SLC30A5: variants seen among roughly 807,000 people sequenced by gnomAD.
SLC30A5 encodes proton-coupled zinc antiporter SLC30A5.
A neutral mutation model predicts 79.6 loss-of-function variants in SLC30A5; 33 were observed. The ratio of observed to expected loss-of-function variants is 0.41; its 90% confidence interval spans 0.31 to 0.55. The LOEUF is 0.55. SLC30A5 is among the 20% of genes least tolerant of loss of function. The pLI is 0.20. For synonymous variants in SLC30A5, 299 were observed against 319.7 expected (o/e 0.94, Z 0.69); for missense variants, 788 against 928.1 (o/e 0.85, Z 1.96).
At chr5:69,106,951 A>G (rs1399753522) in intron 4 of SLC30A5, among the ~76,000 whole-genome samples, 1 of 151,238 alleles carries the variant, frequency 6.6e-6, no homozygotes, top group East Asian at 1.9e-4. Context: ...TGCAACCTCC[A>G]TCTCCTTGGC....
chr5:69,113,426 A>G (rs1023187842), intron 6 of SLC30A5, 199 bp downstream of exon 6: 4 of 458,190 alleles, frequency 8.7e-6, no homozygotes, highest in African/African-American at 6.1e-5. Flanking sequence ...GCATCTCTGT[A>G]TCACCTACAG....
intron 11 of SLC30A5, chr5:69,118,285 T>TGTGTATA (rs1428754317): frequency 2.0e-5 from 2 of 102,196 alleles, no homozygotes; most frequent in Admixed American, 2.5e-4. Context: ...CGTATATATA[T>TGTGTATA]TCATATATAA....
chr5:69,115,969 C>G lies in SLC30A5; in HGVS notation c.827C>G (p.Thr276Arg). 6.2e-7 allele frequency: 1 copy of G among 1,613,520 alleles called. No homozygotes were observed. Among genetic ancestry groups the G allele is most frequent in the Non-Finnish European group, 8.5e-7 (1 of 1,179,798 alleles). Residue 276 changes from threonine (T) to arginine (R), a missense_variant, in exon 9 of 16, where the codon ACG (threonine) becomes AGG (arginine). This residue lies in a region of SLC30A5 where 626 missense variants were observed against 755.5 expected (regional missense o/e 0.83). Transcript: ENST00000396591. The stretch of plus-strand genomic sequence containing the variant: ...TTTTCTCTCATTATGCCTTTTGCAA[C>G]GGTTATCTTTTTTGTCATGATCCTG... ...SWFSLIMPFA[T>R]VIFFVMILDF...
chr5:69,129,676 G>A lies in SLC30A5; in HGVS notation c.*59G>A. 1.4e-6 allele frequency: 2 copies of A among 1,449,650 alleles called. No homozygotes were observed. The highest frequency in any genetic ancestry group is 1.9e-6 in the Non-Finnish European group (2 of 1,073,116). 89.8% of individuals were successfully genotyped at this position (1,449,650 alleles called of 1,614,324 possible). A position where few individuals can be genotyped will look rare whatever the true frequency, so the allele number is the denominator to read the frequency against. ...ATGAAGATTAAATGACTCAGTATTT[G>A]TAATATTGCCAGAAGGATAAAAATT... On this transcript the variant is annotated 3_prime_UTR_variant, in exon 16 of 16. Coordinates refer to ENST00000396591, the MANE Select transcript of SLC30A5 (RefSeq NM_022902.5).
At chr5:69,127,383 CT>C (rs1746725819) in intron 14 of SLC30A5, among the ~76,000 whole-genome samples, 2 of 150,458 alleles carry the variant, frequency 1.3e-5, no homozygotes, top group Non-Finnish European at 2.9e-5. Context: ...AATCCTAGCA[CT>C]TCGGGAGGCT....
Position 69,100,938 on chromosome 5 carries a change from G to GT in SLC30A5, c.206+9_206+10insT, listed in dbSNP as rs3833634. ...TTTATATTAAAACTTGGGTGAGTGTGGGGGGGGGTTTTTTCTTGATATTTT... is the reference window on the plus strand; with the variant it reads ...TTTATATTAAAACTTGGGTGAGTGTGTGGGGGGGGTTTTTTCTTGATATTTT... On this transcript the variant is annotated intron_variant, in intron 2 of 15. Transcript: ENST00000396591. 3.7e-5 allele frequency: 46 copies of GT among 1,232,214 alleles called. No individual in the cohort carries two copies. The African/African-American group carries it at 5.8e-4, about 15-fold the overall frequency. 76.3% of individuals were successfully genotyped at this position (1,232,214 alleles called of 1,614,324 possible).
At position 69,129,613 on chromosome 5, in the gene SLC30A5, T is replaced by A; in HGVS notation, c.2294T>A (p.Met765Lys). The change falls in exon 16 of 16, where the codon ATG becomes AAG. Residue 765 changes from methionine (M) to lysine (K), a missense_variant. Met to Lys is a moderately conservative substitution (Grantham distance 95). Coordinates refer to ENST00000396591, the MANE Select transcript of SLC30A5 (RefSeq NM_022902.5). ...TACTGCAAAGATGGTACTTACATCATGTGAGATAACTCAAGAATTACCCCT... is the reference window on the plus strand; with the variant it reads ...TACTGCAAAGATGGTACTTACATCAAGTGAGATAACTCAAGAATTACCCCT... Reference protein sequence around the residue: ...MKYCKDGTYIM With the variant: ...MKYCKDGTYIK 6.2e-7 allele frequency: 1 copy of A among 1,605,874 alleles called. No homozygotes were observed. Among genetic ancestry groups the A allele is most frequent in the East Asian group, 2.2e-5 (1 of 44,600 alleles).
chr5:69,113,288 C>T (rs1746283566), intron 6 of SLC30A5, 61 bp downstream of exon 6: 1 of 1,270,800 alleles, frequency 7.9e-7, no homozygotes, highest in Non-Finnish European at 1.1e-6. Context: ...AAGCCTGGAA[C>T]AATGGAAAAA....
chr5:69,130,888 A>G lies in SLC30A5; in HGVS notation c.*1271A>G, dbSNP rs1386587677. ...TAAGTAGATTGAATTTAGTATGAGT[A>G]CTATTTTCTTATATATACCACAATG... is the stretch of plus-strand genomic sequence containing the variant. On this transcript the variant is annotated 3_prime_UTR_variant, in exon 16 of 16. Coordinates refer to ENST00000396591, the MANE Select transcript of SLC30A5 (RefSeq NM_022902.5). 1 of 152,154 alleles carries G rather than the reference A, an allele frequency of 6.6e-6. No individual in the cohort carries two copies. The highest frequency in any genetic ancestry group is 6.6e-5 in the Admixed American group (1 of 15,266). 9.4% of individuals were successfully genotyped at this position (152,154 alleles called of 1,614,324 possible).
chr5:69,120,245 A>C (rs1015453304), intron 12 of SLC30A5, among the ~76,000 whole-genome samples: 9 of 151,876 alleles, frequency 5.9e-5, no homozygotes, highest in Non-Finnish European at 8.8e-5. Flanking sequence ...CAGGCCATGC[A>C]TGGTGGCGGG....
At chr5:69,112,589 C>T (rs902358640) in intron 5 of SLC30A5, among the ~76,000 whole-genome samples, 7 of 149,260 alleles carry the variant, frequency 4.7e-5, no homozygotes, top group East Asian at 2.0e-4. Flanking sequence ...CCAGCCTGGG[C>T]GACAGCGAGA....
intron 5 of SLC30A5, among the ~76,000 whole-genome samples, chr5:69,112,413 T>C (rs1249715350): frequency 1.3e-5 from 2 of 152,182 alleles, no homozygotes; most frequent in African/African-American, 4.8e-5. Flanking sequence ...GAAAACCTTT[T>C]TCCTCAGCCT....
At chr5:69,098,310 G>A (rs1365671002) in intron 1 of SLC30A5, among the ~76,000 whole-genome samples, 1 of 152,124 alleles carries the variant, frequency 6.6e-6, no homozygotes, top group Non-Finnish European at 1.5e-5. Context: ...GATCACCTGA[G>A]GTCAGAAGTA....
intron 15 of SLC30A5, 99 bp downstream of exon 15, chr5:69,128,231 A>C: frequency 2.2e-6 from 2 of 891,060 alleles, no homozygotes; most frequent in Non-Finnish European, 3.3e-6. Flanking sequence ...TACTATTCAG[A>C]AATATCAATC....
chr5:69,106,750 C>T (rs1746091546), intron 4 of SLC30A5, among the ~76,000 whole-genome samples: 1 of 152,162 alleles, frequency 6.6e-6, no homozygotes, highest in East Asian at 1.9e-4. Context: ...TTAACCTTAG[C>T]ATACTTTACT....
In SLC30A5 at chr5:69,094,241, C is replaced by CGGCCT; in HGVS notation, c.-15_-14insGGCCT. ...CCCGCGACAGGGGCAGCGGCGGCGG[C>CGGCCT]TCGTGAGCCCCGGGATGGAGGAGAA... On this transcript the variant is annotated 5_prime_UTR_variant, in exon 1 of 16. An upstream open reading frame in the 5' UTR loses its in-frame stop. Transcript: ENST00000396591. 8.2e-7 allele frequency: 1 copy of CGGCCT among 1,217,212 alleles called. No homozygotes were observed. The highest frequency in any genetic ancestry group is 1.0e-6 in the Non-Finnish European group (1 of 957,134). 75.4% of individuals were successfully genotyped at this position (1,217,212 alleles called of 1,614,324 possible).
intron 1 of SLC30A5, among the ~76,000 whole-genome samples, chr5:69,098,721 T>C (rs1007197245): frequency 3.9e-5 from 6 of 152,258 alleles, no homozygotes; most frequent in Non-Finnish European, 7.3e-5. Context: ...ATTACTTTTC[T>C]ACGACTCAGT....
chr5:69,124,958 A>C (rs1186672561), intron 14 of SLC30A5, among the ~76,000 whole-genome samples: 1 of 152,236 alleles, frequency 6.6e-6, no homozygotes, highest in Non-Finnish European at 1.5e-5. Context: ...AAAATTTACA[A>C]ATTTGACCAG....
At position 69,121,743 on chromosome 5, in the gene SLC30A5, TTAGCCATGCCCA is replaced by T. The variant is rs1239867356; in HGVS notation, c.1633_1644del (p.Ser545_His548del). ...GTAAACCTTATTGGTATCTGTGCCT[TTAGCCATGCCCA>T]TAGCCATGCCCATGGAGCTTCTCAA... is the stretch of plus-strand genomic sequence containing the variant. On this transcript the variant is annotated inframe_deletion, in exon 13 of 16. Transcript: ENST00000396591. 1.9e-6 allele frequency: 3 copies of T among 1,613,330 alleles called. No individual in the cohort carries two copies. The highest frequency in any genetic ancestry group is 2.5e-6 in the Non-Finnish European group (3 of 1,179,644).
Sources: gnomAD v4.1 joint callset for allele counts (sites outside exome capture counted in the v4.1 genomes callset) on GRCh38, gnomAD v4.1.1 for gene constraint, gnomAD v4.1.1 regional missense constraint, MANE v1.5 for transcripts, NCBI Gene and HGNC (gene_info 2026-07-23, HGNC 2026-07-21) for gene names.